Variants in GYG1 observed in about 807,000 individuals in gnomAD.
GYG1 encodes glycogenin 1.
GYG1 carries 44 observed loss-of-function variants against 41.9 expected under a neutral mutation model. The observed-to-expected ratio is 1.05, with a 90% CI of 0.83 to 1.35. The LOEUF is 1.35. GYG1 is among the 40% of genes most tolerant of loss of function. The probability of loss-of-function intolerance (pLI) is 0.00; values close to 1 mark genes in which losing one functional copy is unlikely to be tolerated. For missense variants in GYG1, 429 were observed against 418.9 expected (o/e 1.02, Z -0.21); for synonymous variants, 141 against 158.1 (o/e 0.89, Z 0.81).
intron 6 of GYG1, 141 bp downstream of exon 6, chr3:149,024,413 T>C (rs1047147703): frequency 1.0e-5 from 7 of 676,992 alleles, no homozygotes; most frequent in Non-Finnish European, 1.9e-5. Context: ...ATAACCATCT[T>C]AGGAGAAACA....
At chr3:149,012,996 T>TG (rs1713816150) in intron 5 of GYG1, among the ~76,000 whole-genome samples, 2 of 124,830 alleles carry the variant, frequency 1.6e-5, no homozygotes, top group African/African-American at 6.2e-5. Flanking sequence ...GCTCAGTTAA[T>TG]TTGTGTGTGT....
rs1423355605 is a variant in GYG1, at chr3:149,030,885, G to A, written c.*3952G>A. On this transcript the variant is annotated 3_prime_UTR_variant, in exon 8 of 8. Transcript: ENST00000345003. Reference sequence around the variant, plus strand: ...GAGAGATTTGGCATATACCTTCAATGTGTGCCCTATAACACAACATTGTCT... The same window carrying A: ...GAGAGATTTGGCATATACCTTCAATATGTGCCCTATAACACAACATTGTCT... 6.6e-6 allele frequency: 1 copy of A among 152,196 alleles called. No individual in the cohort carries two copies. The highest frequency in any genetic ancestry group is 1.5e-5 in the Non-Finnish European group (1 of 68,036). 9.4% of individuals were successfully genotyped at this position (152,196 alleles called of 1,614,324 possible).
At chr3:148,995,401 C>T (rs926367939) in intron 2 of GYG1, among the ~76,000 whole-genome samples, 2 of 152,022 alleles carry the variant, frequency 1.3e-5, no homozygotes, top group African/African-American at 4.8e-5. Flanking sequence ...AAGCACAGGC[C>T]AAGGGTCTCT....
chr3:149,026,741 A>G lies in GYG1; in HGVS notation c.880-19A>G, dbSNP rs1559845472. On this transcript the variant is annotated intron_variant, in intron 7 of 7. Transcript: ENST00000345003. ...TTGATTTTCAGCTCTCATAGAGTCA[A>G]TTATGCTTTCCTTTCTAGGAAGATG... The G allele has an allele frequency of 1.3e-6, 2 of 1,534,104 alleles. No homozygotes were observed. Among genetic ancestry groups the G allele is most frequent in the South Asian group, 1.1e-5 (1 of 89,346 alleles).
chr3:149,001,748 A>C (rs968310300), intron 4 of GYG1, among the ~76,000 whole-genome samples: 1 of 150,638 alleles, frequency 6.6e-6, no homozygotes, highest in African/African-American at 2.4e-5. Context: ...GTCCTTCTCA[A>C]CTCTGGTTGG....
intron 5 of GYG1, among the ~76,000 whole-genome samples, chr3:149,010,102 G>A (rs1238482107): frequency 1.3e-5 from 2 of 152,144 alleles, no homozygotes; most frequent in African/African-American, 2.4e-5. Flanking sequence ...AGAGTAATTC[G>A]TAAACCAGAA....
At position 149,013,623 on chromosome 3, in the gene GYG1, C is replaced by T. The variant is rs575663229; in HGVS notation, c.608+4221C>T. Reference sequence around the variant, plus strand: ...TTTTCATTTATTCTACTCTTTTAAACAGTTCTGAGGATATTAATATTTCTT... The same window carrying T: ...TTTTCATTTATTCTACTCTTTTAAATAGTTCTGAGGATATTAATATTTCTT... On this transcript the variant is annotated intron_variant, in intron 5 of 7. Transcript: ENST00000345003. 2.0e-3 allele frequency among the ~76,000 whole-genome samples: 299 copies of T among 152,270 alleles called. 1 individual carries two copies. The highest frequency in any genetic ancestry group is 3.9e-3 in the Non-Finnish European group (267 of 68,012).
Position 149,030,357 on chromosome 3 carries a change from A to G in GYG1, c.*3424A>G, listed in dbSNP as rs1166317823. The stretch of plus-strand genomic sequence containing the variant: ...ATTTTTTAAATTAAACTTTTAAAAT[A>G]TAACAACATCTAACAGAACTGTACA... On this transcript the variant is annotated 3_prime_UTR_variant, in exon 8 of 8. Transcript: ENST00000345003. 1.3e-5 allele frequency: 2 copies of G among 152,228 alleles called. No individual in the cohort carries two copies. 9.4% of individuals were successfully genotyped at this position (152,228 alleles called of 1,614,324 possible). A position where few individuals can be genotyped will look rare whatever the true frequency, so the allele number is the denominator to read the frequency against.
chr3:149,018,943 G>A (rs2107915650), intron 5 of GYG1, among the ~76,000 whole-genome samples: 1 of 151,958 alleles, frequency 6.6e-6, no homozygotes, highest in East Asian at 1.9e-4. Context: ...AGTGGCCTGT[G>A]CCTGTAGTCC....
In GYG1 at chr3:148,991,648, G is replaced by A. The variant is rs949456055; in HGVS notation, c.7+1G>A. The A allele has an allele frequency of 5.2e-6, 8 of 1,540,972 alleles. No individual in the cohort carries two copies. In the Admixed American group the frequency reaches 7.6e-5, roughly 15 times the overall value. ...TGCGCACCCGGCAGCACCATGACAG[G>A]TACCGCCGCGCAGCCCGCCGCCGCC... On this transcript the variant is annotated splice_donor_variant, in intron 1 of 7. Transcript: ENST00000345003. LOFTEE classifies it high-confidence loss of function.
At chr3:148,998,843 C>T (rs546167493) in intron 4 of GYG1, among the ~76,000 whole-genome samples, 1 of 152,166 alleles carries the variant, frequency 6.6e-6, no homozygotes, top group South Asian at 2.1e-4. Flanking sequence ...TTAACCTTCT[C>T]GTCAGAGTGT....
In GYG1 at chr3:149,027,135, T is replaced by C. The variant is rs761762601; in HGVS notation, c.*202T>C. ...CAATTCTGTTATATGGACAGTGTTC[T>C]GCTTTTTAATCCTATTTAGCTTGTT... On this transcript the variant is annotated 3_prime_UTR_variant, in exon 8 of 8. Coordinates refer to ENST00000345003, the MANE Select transcript of GYG1 (RefSeq NM_004130.4). 1.7e-4 allele frequency: 98 copies of C among 591,066 alleles called. 2 individuals carry two copies. Among genetic ancestry groups the C allele is most frequent in the Non-Finnish European group, 4.8e-5 (16 of 332,536 alleles). 36.6% of individuals were successfully genotyped at this position (591,066 alleles called of 1,614,324 possible).
intron 5 of GYG1, among the ~76,000 whole-genome samples, chr3:149,010,832 A>G (rs189029785): frequency 9.1e-4 from 139 of 152,308 alleles, no homozygotes; most frequent in African/African-American, 2.9e-3. Flanking sequence ...AGTTGGGCCA[A>G]TCTCTGTCCC....
intron 6 of GYG1, among the ~76,000 whole-genome samples, chr3:149,025,940 T>C (rs1414762101): frequency 6.6e-6 from 1 of 152,200 alleles, no homozygotes; most frequent in Non-Finnish European, 1.5e-5. Context: ...CAGAGAGGAC[T>C]CTGGAAATGC....
intron 2 of GYG1, 94 bp downstream of exon 2, chr3:148,994,371 A>G (rs1712670166): frequency 7.5e-7 from 1 of 1,327,748 alleles, no homozygotes; most frequent in Middle Eastern, 1.8e-4. Flanking sequence ...TGCTCTTTTC[A>G]GGAATTGAGC....
Position 149,026,858 on chromosome 3 carries a change from A to ACAGGGCCAGGCTGATTATATGGGAG in GYG1, c.982_1006dup (p.Asp336GlyfsTer4). 6.2e-7 allele frequency: 1 copy of ACAGGGCCAGGCTGATTATATGGGAG among 1,613,906 alleles called. No homozygotes were observed. Among genetic ancestry groups the ACAGGGCCAGGCTGATTATATGGGAG allele is most frequent in the Non-Finnish European group, 8.5e-7 (1 of 1,179,790 alleles). The stretch of plus-strand genomic sequence containing the variant: ...CGGAAGAACGGAAGGAACGATGGGA[A>ACAGGGCCAGGCTGATTATATGGGAG]CAGGGCCAGGCTGATTATATGGGAG... On this transcript the variant is annotated frameshift_variant, in exon 8 of 8. Transcript: ENST00000345003. LOFTEE classifies it high-confidence loss of function.
chr3:149,026,013 C>T (rs1248551724), intron 6 of GYG1, among the ~76,000 whole-genome samples: 2 of 152,132 alleles, frequency 1.3e-5, no homozygotes, highest in East Asian at 1.9e-4. Flanking sequence ...GGAAGGACTT[C>T]CTTATGTTGC....
chr3:148,991,924 C>T (rs1052192633), intron 1 of GYG1, among the ~76,000 whole-genome samples: 3 of 152,196 alleles, frequency 2.0e-5, no homozygotes, highest in Non-Finnish European at 2.9e-5. Flanking sequence ...CTTGCTCTCA[C>T]GGCGAAGGGC....
At chr3:148,994,385 G>A (rs1203240780) in intron 2 of GYG1, 108 bp downstream of exon 2, 44 of 1,212,488 alleles carry the variant, frequency 3.6e-5, no homozygotes, top group Non-Finnish European at 4.7e-5. Flanking sequence ...ATTGAGCACC[G>A]GGTAGAGAAA....
Sources: gnomAD v4.1 joint callset for allele counts (sites outside exome capture counted in the v4.1 genomes callset) on GRCh38, gnomAD v4.1.1 for gene constraint, MANE v1.5 for transcripts, NCBI Gene and HGNC (gene_info 2026-07-23, HGNC 2026-07-21) for gene names.